PALD1: variants seen among roughly 807,000 people sequenced by gnomAD.
PALD1 encodes paladin.
A neutral mutation model predicts 96.0 loss-of-function variants in PALD1; 57 were observed. The observed-to-expected ratio is 0.59, with a 90% CI of 0.48 to 0.74. The LOEUF (loss-of-function observed/expected upper bound fraction) is 0.74, where lower values mean the gene tolerates loss of function less well. PALD1 is among the 30% of genes least tolerant of loss of function. The probability of loss-of-function intolerance (pLI) is 0.00; values close to 1 mark genes in which losing one functional copy is unlikely to be tolerated. For missense variants in PALD1, 1,063 were observed against 1,143.7 expected (o/e 0.93, Z 1.02); for synonymous variants, 464 against 473.6 (o/e 0.98, Z 0.26).
chr10:70,464,947 ATGTATGTATG>A, the PALD1 span, among the ~76,000 whole-genome samples: 1 of 135,764 alleles, frequency 7.4e-6, no homozygotes, highest in Non-Finnish European at 1.5e-5. Context: ...ACTTGTATGT[ATGTATGTATG>A]TATGTATGTA....
At chr10:70,495,489 G>GCCACCATTAAGCA (rs1411885896) in intron 1 of PALD1, among the ~76,000 whole-genome samples, 31 of 152,224 alleles carry the variant, frequency 2.0e-4, no homozygotes, top group African/African-American at 7.5e-4. Context: ...AGACAGGGTT[G>GCCACCATTAAGCA]GAATTACGTG....
Position 70,533,907 on chromosome 10 carries a change from C to A in PALD1, c.871-15C>A, listed in dbSNP as rs776927619. The stretch of plus-strand genomic sequence containing the variant: ...CCTGGTCTCACTGGGGCCTGATCCT[C>A]ATGGTCTTTCCCAGGAGACCCCCAG... On this transcript the variant is annotated splice_polypyrimidine_tract_variant and intron_variant, in intron 7 of 19. Transcript: ENST00000263563. 7.0e-6 allele frequency: 11 copies of A among 1,571,666 alleles called. No homozygotes were observed. The East Asian group carries it at 2.5e-4, about 36-fold the overall frequency.
chr10:70,558,363 G>A (rs553558350), intron 18 of PALD1, among the ~76,000 whole-genome samples: 23 of 152,252 alleles, frequency 1.5e-4, no homozygotes, highest in African/African-American at 5.3e-4. Flanking sequence ...GGTTGGCACA[G>A]GCAACCGAGG....
At chr10:70,562,785 T>C (rs1183568897) in intron 18 of PALD1, among the ~76,000 whole-genome samples, 1 of 151,678 alleles carries the variant, frequency 6.6e-6, no homozygotes, top group Admixed American at 6.5e-5. Flanking sequence ...GGGTGACATG[T>C]CTGTGAGGGG....
intron 1 of PALD1, among the ~76,000 whole-genome samples, chr10:70,503,227 G>T (rs527369706): frequency 1.2e-4 from 18 of 152,234 alleles, no homozygotes; most frequent in African/African-American, 4.1e-4. Context: ...TGTGTCTCAT[G>T]TTCATTGGCC....
chr10:70,538,826 G>A, intron 12 of PALD1, 66 bp from the exon 13 acceptor site: 1 of 1,401,686 alleles, frequency 7.1e-7, no homozygotes. Flanking sequence ...CCTTGGGCCA[G>A]GTCCTGACCC....
chr10:70,531,931 C>T (rs1314786441), intron 5 of PALD1, among the ~76,000 whole-genome samples: 6 of 149,838 alleles, frequency 4.0e-5, no homozygotes, highest in South Asian at 2.1e-4. Flanking sequence ...TGCAGTGAGC[C>T]GAGATCACAC....
intron 17 of PALD1, 54 bp from the exon 18 acceptor site, chr10:70,547,252 G>T: frequency 6.4e-7 from 1 of 1,572,704 alleles, no homozygotes; most frequent in Non-Finnish European, 8.7e-7. Flanking sequence ...CTGGTGCTTG[G>T]GCTGAGGGCT....
At position 70,533,949 on chromosome 10, in the gene PALD1, G is replaced by A; in HGVS notation, c.898G>A (p.Asp300Asn). The change falls in exon 8 of 20, where the codon GAT (aspartate) becomes AAT (asparagine). Residue 300 changes from aspartate to asparagine, a missense_variant. Transcript: ENST00000263563. The part of the protein sequence containing the change: ...RETPSLLQLR[D>N]AHGPPPALVF... ...GACCCCCAGCCTGCTGCAGCTCCGT[G>A]ATGCCCACGGGCCTCCCCCAGCCCT... is the stretch of plus-strand genomic sequence containing the variant. 6.2e-7 allele frequency: 1 copy of A among 1,608,628 alleles called. No individual in the cohort carries two copies. Among genetic ancestry groups the A allele is most frequent in the East Asian group, 2.2e-5 (1 of 44,546 alleles).
chr10:70,498,165 G>A (rs956578081), intron 1 of PALD1, among the ~76,000 whole-genome samples: 11 of 152,058 alleles, frequency 7.2e-5, no homozygotes, highest in African/African-American at 2.7e-4. Context: ...TATTGGAATC[G>A]TACAATATTT....
chr10:70,525,011 T>C (rs1392372366), intron 1 of PALD1, among the ~76,000 whole-genome samples: 2 of 152,148 alleles, frequency 1.3e-5, no homozygotes, highest in Admixed American at 6.5e-5. Flanking sequence ...TTTTATTTTT[T>C]ATTTTTTTGA....
the PALD1 span, among the ~76,000 whole-genome samples, chr10:70,470,574 TTA>T: frequency 1.4e-5 from 2 of 141,972 alleles, no homozygotes; most frequent in Admixed American, 6.9e-5. Flanking sequence ...ATAAATAATA[TTA>T]TTTTTTATTA....
At chr10:70,563,378 C>T (rs576240588) in intron 18 of PALD1, among the ~76,000 whole-genome samples, 1 of 152,228 alleles carries the variant, frequency 6.6e-6, no homozygotes, top group Non-Finnish European at 1.5e-5. Flanking sequence ...CAGGCCTCCA[C>T]GGCCCAGCGG....
At chr10:70,513,355 T>A (rs140873644) in intron 1 of PALD1, among the ~76,000 whole-genome samples, 4,752 of 151,928 alleles carry the variant, frequency 0.031, 250 homozygotes, top group African/African-American at 0.11. Flanking sequence ...AAATAAATAA[T>A]TAAAAAATTA....
rs1554854872 is a variant in PALD1 at position 70,501,839 on chromosome 10, G to GTGTGTGTGCGCA, written c.-30+22780_-30+22781insTGTGTGTGCGCA. ...TGTGTGTGTGTGTGTGTGTGTGCGT[G>GTGTGTGTGCGCA]CGTGCATGCATACCTGTGTTCATGC... On this transcript the variant is annotated intron_variant, in intron 1 of 19. Transcript: ENST00000263563. Among the ~76,000 whole-genome samples the GTGTGTGTGCGCA allele has an allele frequency of 1.1e-3, 170 of 151,418 alleles. 1 individual carries two copies. The East Asian group carries it at 0.021, about 19-fold the overall frequency.
At chr10:70,482,708 C>A (rs1845954297) in intron 1 of PALD1, among the ~76,000 whole-genome samples, 1 of 152,124 alleles carries the variant, frequency 6.6e-6, no homozygotes, top group Non-Finnish European at 1.5e-5. Flanking sequence ...CTGCTCCCTC[C>A]CTCATTAGCC....
chr10:70,559,211 T>G (rs1380356330), intron 18 of PALD1, among the ~76,000 whole-genome samples: 1 of 152,032 alleles, frequency 6.6e-6, no homozygotes, highest in Non-Finnish European at 1.5e-5. Context: ...GAAGGTGGTG[T>G]TGAACAGACC....
intron 1 of PALD1, among the ~76,000 whole-genome samples, chr10:70,487,072 C>T (rs1029539104): frequency 6.6e-6 from 1 of 151,608 alleles, no homozygotes; most frequent in African/African-American, 2.4e-5. Flanking sequence ...CTGAGCTGGG[C>T]CCTAAGGCAT....
chr10:70,480,578 C>T (rs746049370), intron 1 of PALD1, among the ~76,000 whole-genome samples: 1 of 152,184 alleles, frequency 6.6e-6, no homozygotes, highest in Non-Finnish European at 1.5e-5. Context: ...TCTGCTGTAT[C>T]TGGGGCCCTG....
Sources: gnomAD v4.1 joint callset for allele counts (sites outside exome capture counted in the v4.1 genomes callset) on GRCh38, gnomAD v4.1.1 for gene constraint, MANE v1.5 for transcripts, NCBI Gene and HGNC (gene_info 2026-07-23, HGNC 2026-07-21) for gene names.